The following SLC27A1 variants were observed in gnomAD, a reference collection of about 807,000 sequenced individuals.
The protein encoded by SLC27A1 is solute carrier family 27 member 1.
In SLC27A1, 61 loss-of-function variants were observed where a neutral mutation model predicts 62.2. The observed-to-expected ratio is 0.98, with a 90% CI of 0.80 to 1.21. The LOEUF (loss-of-function observed/expected upper bound fraction) is 1.21. Ranked by LOEUF, SLC27A1 falls within the 50% of genes most tolerant of loss-of-function variation. The pLI, the probability that SLC27A1 is intolerant of heterozygous loss-of-function variation, is 0.00. For missense variants in SLC27A1, 903 were observed against 932.1 expected, an observed-to-expected ratio of 0.97 and a Z score of 0.41; for synonymous variants, 435 against 408.6, an observed-to-expected ratio of 1.06 and a Z score of -0.78.
intron 1 of SLC27A1, among the ~76,000 whole-genome samples, chr19:17,484,336 G>A (rs2075208129): frequency 6.6e-6 from 1 of 152,204 alleles, no homozygotes; most frequent in African/African-American, 2.4e-5. Context: ...GCCCACGCCT[G>A]TAATCCCAGC....
rs762280549 is a variant in SLC27A1 at position 17,504,603 on chromosome 19, C to T, written c.1932C>T (p.Phe644=). Reference sequence around the variant, plus strand: ...ACACTCGCATCTGCTCGGGCGCCTTCGCCCTCTGAAGCTGTTCCTCTACTG... The same window carrying T: ...ACACTCGCATCTGCTCGGGCGCCTTTGCCCTCTGAAGCTGTTCCTCTACTG... The part of the protein sequence containing the change: ...AVYTRICSGA[F]AL Residue 644 remains phenylalanine (F), a synonymous_variant, in exon 12 of 12, where the codon TTC becomes TTT. Transcript: ENST00000252595. The T allele has an allele frequency of 5.0e-6, 8 of 1,614,030 alleles. No homozygotes were observed. Among genetic ancestry groups the T allele is most frequent in the African/African-American group, 2.7e-5 (2 of 74,936 alleles).
chr19:17,489,599 A>T (rs2087708542), intron 6 of SLC27A1, among the ~76,000 whole-genome samples: 1 of 152,154 alleles, frequency 6.6e-6, no homozygotes, highest in Non-Finnish European at 1.5e-5. Context: ...TGCCTTCCCC[A>T]TGCCTTGTGC....
chr19:17,489,706 G>C (rs1336659335), intron 6 of SLC27A1: 1 of 152,988 alleles, frequency 6.5e-6, no homozygotes, highest in Non-Finnish European at 1.5e-5. Flanking sequence ...CGCGTGAGGC[G>C]GAGGTGGAGG....
At chr19:17,475,321 G>A (rs2075112438) in intron 1 of SLC27A1, among the ~76,000 whole-genome samples, 1 of 152,170 alleles carries the variant, frequency 6.6e-6, no homozygotes, top group Admixed American at 6.6e-5. Flanking sequence ...TGGGAGGATT[G>A]CCTGAGGCCA....
chr19:17,499,994 A>C, intron 7 of SLC27A1: 7 of 481,280 alleles, frequency 1.5e-5, no homozygotes, highest in Non-Finnish European at 2.2e-5. Flanking sequence ...TAGTGTCCAC[A>C]CAGAGGCATC....
intron 6 of SLC27A1, among the ~76,000 whole-genome samples, chr19:17,493,936 A>C (rs1463921471): frequency 1.3e-5 from 2 of 151,002 alleles, no homozygotes; most frequent in African/African-American, 4.9e-5. Flanking sequence ...TTTGTTGCTT[A>C]TTTCTTTCTT....
chr19:17,485,787 T>C (rs963955302), intron 1 of SLC27A1, among the ~76,000 whole-genome samples: 1 of 151,886 alleles, frequency 6.6e-6, no homozygotes, highest in Non-Finnish European at 1.5e-5. Flanking sequence ...ATTGCACCAC[T>C]GTACTCTGGC....
intron 1 of SLC27A1, among the ~76,000 whole-genome samples, chr19:17,478,910 G>T (rs1197915900): frequency 6.6e-6 from 1 of 152,038 alleles, no homozygotes; most frequent in African/African-American, 2.4e-5. Flanking sequence ...GATGACTTCA[G>T]ATGGGAACAT....
chr19:17,488,766 C>A, intron 4 of SLC27A1, 82 bp from the exon 5 acceptor site: 1 of 1,295,052 alleles, frequency 7.7e-7, no homozygotes. Flanking sequence ...CCTGGGTCCA[C>A]ATGCAGCATG....
Position 17,487,495 on chromosome 19 carries a change from G to T in SLC27A1, c.760G>T (p.Gly254Trp), listed in dbSNP as rs1335903526. The T allele has an allele frequency of 6.3e-7, 1 of 1,586,926 alleles. No individual in the cohort carries two copies. The change falls in exon 4 of 12, where the codon GGG (glycine) becomes TGG (tryptophan). Residue 254 changes from glycine to tryptophan, a missense_variant. Coordinates refer to ENST00000252595, the MANE Select transcript of SLC27A1 (RefSeq NM_198580.3). ...LFYIYTSGTT[G>W]LPKAAIVVHS... is the part of the protein sequence containing the mutation. The stretch of plus-strand genomic sequence containing the variant: ...CTACATCTACACGTCGGGGACCACC[G>T]GGCTGCCCAAGGCTGCCATTGTCGT...
At chr19:17,494,020 C>CTTTCTTTT (rs1555746383) in intron 6 of SLC27A1, among the ~76,000 whole-genome samples, 1 of 135,788 alleles carries the variant, frequency 7.4e-6, no homozygotes, top group African/African-American at 2.7e-5. Flanking sequence ...GTAGCTGTTT[C>CTTTCTTTT]TTTTTTTTTT....
chr19:17,497,508 A>T (rs552452015), intron 7 of SLC27A1, 44 bp downstream of exon 7: 116 of 1,518,466 alleles, frequency 7.6e-5, no homozygotes, highest in Non-Finnish European at 9.8e-5. Flanking sequence ...GAGTTCAGGG[A>T]AGACCACTGT....
At position 17,506,148 on chromosome 19, in the gene SLC27A1, G is replaced by GA. The variant is rs2075478487; in HGVS notation, c.*1539dup. 6.6e-6 allele frequency: 1 copy of GA among 152,178 alleles called. No homozygotes were observed. Among genetic ancestry groups the GA allele is most frequent in the African/African-American group, 2.4e-5 (1 of 41,432 alleles). The allele number at this position is 152,178 out of a possible 1,614,324, so 9.4% of individuals were successfully genotyped here. A position where few individuals can be genotyped will look rare whatever the true frequency, so the allele number is the denominator to read the frequency against. ...TGGTTTTATTTCCTAATTGATTTAA[G>GA]AAATAAACCTGAAGACCGTCTGGTG... On this transcript the variant is annotated 3_prime_UTR_variant, in exon 12 of 12. Coordinates refer to ENST00000252595, the MANE Select transcript of SLC27A1 (RefSeq NM_198580.3).
At chr19:17,498,378 G>GAA (rs967842924) in intron 7 of SLC27A1, 2 of 145,202 alleles carry the variant, frequency 1.4e-5, no homozygotes, top group African/African-American at 2.5e-5. Flanking sequence ...CTCTAAAAAG[G>GAA]AAAAAAAAAA....
Position 17,504,523 on chromosome 19 carries a change from C to T in SLC27A1, c.1852C>T (p.Leu618Phe). 1.2e-6 allele frequency: 2 copies of T among 1,614,212 alleles called. No individual in the cohort carries two copies. The highest frequency in any genetic ancestry group is 1.7e-6 in the Non-Finnish European group (2 of 1,180,038). The stretch of plus-strand genomic sequence containing the variant: ...TGACCCACGCCAGACCTCAGACCGG[C>T]TCTTCTTCCTGGACCTGAAGCAGGG... The part of the protein sequence containing the change: ...GFDPRQTSDR[L>F]FFLDLKQGHY... The change falls in exon 12 of 12, where the codon CTC becomes TTC. Residue 618 changes from leucine to phenylalanine, a missense_variant. Coordinates refer to ENST00000252595, the MANE Select transcript of SLC27A1 (RefSeq NM_198580.3).
At position 17,487,448 on chromosome 19, in the gene SLC27A1, T is replaced by C; in HGVS notation, c.725-12T>C. 1 of 1,568,278 alleles carries C rather than the reference T, an allele frequency of 6.4e-7. No homozygotes were observed. Among genetic ancestry groups the C allele is most frequent in the Non-Finnish European group, 8.6e-7 (1 of 1,159,046 alleles). On this transcript the variant is annotated splice_polypyrimidine_tract_variant and intron_variant, in intron 3 of 11. Coordinates refer to ENST00000252595, the MANE Select transcript of SLC27A1 (RefSeq NM_198580.3). ...GCTCAGGCCCCACCCCTAACACCTG[T>C]ATCTCCTGCAGATCGTCTTTTCTAC...
In SLC27A1 at chr19:17,504,730, C is replaced by T. The variant is rs1277087437; in HGVS notation, c.*118C>T. 3 of 1,340,926 alleles carry T rather than the reference C, an allele frequency of 2.2e-6. No homozygotes were observed. Among genetic ancestry groups the T allele is most frequent in the Non-Finnish European group, 3.1e-6 (3 of 961,928 alleles). The allele number at this position is 1,340,926 out of a possible 1,614,324, so 83.1% of individuals were successfully genotyped here. A position where few individuals can be genotyped will look rare whatever the true frequency, so the allele number is the denominator to read the frequency against. The stretch of plus-strand genomic sequence containing the variant: ...ACCCACCTGGCCGAGCTGTACCTGG[C>T]ACGGCCCATCCTGGACTGAGAAACT... On this transcript the variant is annotated 3_prime_UTR_variant, in exon 12 of 12. Transcript: ENST00000252595.
chr19:17,482,680 G>GAAAAAT lies in SLC27A1; in HGVS notation c.168-3883_168-3882insAAAAAT, dbSNP rs2075190917. 1.5e-4 allele frequency among the ~76,000 whole-genome samples: 23 copies of GAAAAAT among 151,822 alleles called. No homozygotes were observed. In the South Asian group the frequency reaches 4.8e-3, roughly 32 times the overall value. ...AAAAAAAAAAAAAAAAAAAAGGGTG[G>GAAAAAT]GGAGAGAATGGAGCGGGAGGAGGGT... is the stretch of plus-strand genomic sequence containing the variant. On this transcript the variant is annotated intron_variant, in intron 1 of 11. Coordinates refer to ENST00000252595, the MANE Select transcript of SLC27A1 (RefSeq NM_198580.3).
intron 10 of SLC27A1, 31 bp from the exon 11 acceptor site, chr19:17,501,242 G>T: frequency 6.2e-7 from 1 of 1,607,420 alleles, no homozygotes. Flanking sequence ...GATGAGAGGC[G>T]GGGTGTCCTC....
Sources: allele counts gnomAD v4.1 joint callset (sites outside exome capture counted in the v4.1 genomes callset), GRCh38; gene constraint gnomAD v4.1.1; transcripts MANE v1.5; gene names NCBI Gene and HGNC (gene_info 2026-07-23, HGNC 2026-07-21).